OPA3: variants seen among roughly 807,000 people sequenced by gnomAD.
OPA3 encodes outer mitochondrial membrane lipid metabolism regulator OPA3, also known as optic atrophy 3 protein.
Under a neutral mutation model 4.0 loss-of-function variants are expected in OPA3, and 6 were observed. That is an observed-to-expected ratio of 1.51 (90% CI 0.83 to 2.99). OPA3 has a LOEUF of 2.99. Among genes scored for constraint, OPA3 ranks in the 30% most tolerant of loss-of-function variants. OPA3 has a pLI of 0.00. For missense variants in OPA3, 235 were observed against 256.2 expected (o/e 0.92, Z 0.56); for synonymous variants, 105 against 117.1 (o/e 0.90, Z 0.67).
At chr19:45,537,430 A>AAAAAAAAACAAGAAAC (rs1450112840) in intron 1 of OPA3, among the ~76,000 whole-genome samples, 107 of 147,662 alleles carry the variant, frequency 7.2e-4, no homozygotes, top group East Asian at 1.7e-3. Context: ...AAACAAGAAA[A>AAAAAAAAACAAGAAAC]GAACTTTCAT....
downstream of OPA3, among the ~76,000 whole-genome samples, chr19:45,542,665 GTTTTTTT>G (rs59474391): frequency 5.8e-5 from 6 of 103,322 alleles, no homozygotes; most frequent in Non-Finnish European, 7.7e-5. Context: ...CTGTTTTTTT[GTTTTTTT>G]TTTTTTTTTT....
In OPA3 at chr19:45,553,152, A is replaced by C; in HGVS notation, c.*362T>G. 8.1e-7 allele frequency: 1 copy of C among 1,242,136 alleles called. No homozygotes were observed. Among genetic ancestry groups the C allele is most frequent in the East Asian group, 4.5e-5 (1 of 22,292 alleles). 76.9% of individuals were successfully genotyped at this position (1,242,136 alleles called of 1,614,324 possible). A position where few individuals can be genotyped will look rare whatever the true frequency, so the allele number is the denominator to read the frequency against. On this transcript the variant is annotated 3_prime_UTR_variant, in exon 2 of 2. Transcript: ENST00000263275. ...GATGAGTGTCCCAGTAAAGGTTAAC[A>C]CTGATCAGGTAAACCGGGGGTGGGG...
chr19:45,529,291 C>T, exon 2 of OPA3: 1 of 1,614,048 alleles, frequency 6.2e-7, no homozygotes, highest in Non-Finnish European at 8.5e-7. Context: ...CAACTGGTGG[C>T]GCCAATACTC....
intron 1 of OPA3, among the ~76,000 whole-genome samples, chr19:45,579,619 T>A (rs1414662633): frequency 6.6e-6 from 1 of 152,164 alleles, no homozygotes; most frequent in East Asian, 1.9e-4. Context: ...ATCTATAACA[T>A]CTACGTGACA....
At chr19:45,581,027 G>C (rs1969847540) in intron 1 of OPA3, among the ~76,000 whole-genome samples, 1 of 152,160 alleles carries the variant, frequency 6.6e-6, no homozygotes, top group South Asian at 2.1e-4. Flanking sequence ...TTTCGCCTCT[G>C]GCACAAATCT....
downstream of OPA3, among the ~76,000 whole-genome samples, chr19:45,545,427 A>AG (rs540112084): frequency 5.3e-5 from 8 of 151,642 alleles, 1 homozygote; most frequent in South Asian, 1.5e-3. Flanking sequence ...GCTACTCTGG[A>AG]GGCTGACATG....
At position 45,553,207 on chromosome 19, in the gene OPA3, AC is replaced by A; in HGVS notation, c.*306del. 7.3e-7 allele frequency: 1 copy of A among 1,366,244 alleles called. No individual in the cohort carries two copies. The highest frequency in any genetic ancestry group is 9.5e-7 in the Non-Finnish European group (1 of 1,056,912). 84.6% of individuals were successfully genotyped at this position (1,366,244 alleles called of 1,614,324 possible). The stretch of plus-strand genomic sequence containing the variant: ...CAATAACACATTGATTCAGCTCAAG[AC>A]CAGGTTCCATTTTTTCATTTGCCAG... On this transcript the variant is annotated 3_prime_UTR_variant, in exon 2 of 2. Transcript: ENST00000263275.
At chr19:45,534,560 CAAAA>C (rs71173177) in intron 1 of OPA3, among the ~76,000 whole-genome samples, 1 of 54,980 alleles carries the variant, frequency 1.8e-5, no homozygotes, top group Non-Finnish European at 3.1e-5. Context: ...AACTCTGTCC[CAAAA>C]AAAAAAAAAA....
chr19:45,572,541 GAT>G (rs533952506), intron 1 of OPA3, among the ~76,000 whole-genome samples: 28 of 107,792 alleles, frequency 2.6e-4, no homozygotes, highest in African/African-American at 5.9e-4. Flanking sequence ...TATATCATAT[GAT>G]ATATATATCA....
intron 1 of OPA3, among the ~76,000 whole-genome samples, chr19:45,561,089 T>G (rs1969495187): frequency 6.6e-6 from 1 of 152,002 alleles, no homozygotes; most frequent in Non-Finnish European, 1.5e-5. Flanking sequence ...ATCCCAGCAC[T>G]TTGGGAGGCC....
intron 1 of OPA3, among the ~76,000 whole-genome samples, chr19:45,572,668 T>A (rs1471764679): frequency 7.1e-6 from 1 of 140,060 alleles, no homozygotes; most frequent in Non-Finnish European, 1.5e-5. Context: ...TATATCTATA[T>A]GAGATATATA....
rs182669770 is a variant in OPA3, at chr19:45,566,473, C to T, written c.143-12562G>A. Among the ~76,000 whole-genome samples the T allele has an allele frequency of 6.7e-3, 846 of 126,368 alleles. 10 individuals are homozygous for T. Among genetic ancestry groups the T allele is most frequent in the African/African-American group, 0.024 (807 of 33,638 alleles). 82.9% of individuals were successfully genotyped at this position (126,368 alleles called of 152,430 possible). A position where few individuals can be genotyped will look rare whatever the true frequency, so the allele number is the denominator to read the frequency against. ...TAGATGATCCACCAGCCTGATTTTT[C>T]TCTTTTTTTTTTTTTTGAGACGGAG... On this transcript the variant is annotated intron_variant, in intron 1 of 1. Transcript: ENST00000263275.
intron 1 of OPA3, among the ~76,000 whole-genome samples, chr19:45,580,205 C>T (rs1019976055): frequency 6.7e-6 from 1 of 150,110 alleles, no homozygotes; most frequent in Non-Finnish European, 1.5e-5. Context: ...CCATGTTGGT[C>T]AGGCAGGTCT....
intron 1 of OPA3, among the ~76,000 whole-genome samples, chr19:45,539,753 CAA>C (rs758168568): frequency 2.3e-4 from 25 of 110,276 alleles, no homozygotes; most frequent in Admixed American, 2.9e-4. Context: ...GACCTTGTCT[CAA>C]AAAAAAAAAA....
At chr19:45,554,948 G>A (rs1969398333) in intron 1 of OPA3, among the ~76,000 whole-genome samples, 1 of 151,990 alleles carries the variant, frequency 6.6e-6, no homozygotes, top group South Asian at 2.1e-4. Context: ...GCGCCACCAT[G>A]CCCGTCTAAT....
intron 1 of OPA3, among the ~76,000 whole-genome samples, chr19:45,560,633 C>A (rs996902987): frequency 1.3e-5 from 2 of 152,168 alleles, no homozygotes; most frequent in African/African-American, 2.4e-5. Context: ...CTGATATAGA[C>A]CCTTTCCTCG....
chr19:45,549,640 C>G lies in OPA3; in HGVS notation c.*3874G>C, dbSNP rs62109650. On this transcript the variant is annotated 3_prime_UTR_variant, in exon 2 of 2. Transcript: ENST00000263275. The stretch of plus-strand genomic sequence containing the variant: ...GGATTCAGGAATGTGCCAACATGCC[C>G]GGCTAATTTTTGTATTTTTAGTAGA... The G allele has an allele frequency of 7.6e-6, 6 of 786,588 alleles. No individual in the cohort carries two copies. Among genetic ancestry groups the G allele is most frequent in the African/African-American group, 1.9e-5 (1 of 53,034 alleles). 48.7% of individuals were successfully genotyped at this position (786,588 alleles called of 1,614,324 possible).
intron 1 of OPA3, among the ~76,000 whole-genome samples, chr19:45,530,927 CTTTTTTTTTTTTTTTTTTTTT>C (rs71173176): frequency 5.6e-5 from 2 of 35,412 alleles, no homozygotes; most frequent in African/African-American, 2.0e-4. Flanking sequence ...ATGTCACCTA[CTTTTTTTTTTTTTTTTTTTTT>C]TTTTTTTTTT....
At chr19:45,557,394 G>C (rs955741448) in intron 1 of OPA3, among the ~76,000 whole-genome samples, 2 of 152,156 alleles carry the variant, frequency 1.3e-5, no homozygotes, top group African/African-American at 4.8e-5. Context: ...ATGAATCACA[G>C]GGCTGTGATT....
Sources: allele counts gnomAD v4.1 joint callset (sites outside exome capture counted in the v4.1 genomes callset), GRCh38; gene constraint gnomAD v4.1.1; transcripts MANE v1.5; gene names NCBI Gene and HGNC (gene_info 2026-07-23, HGNC 2026-07-21).